The following TMTC2 variants were observed in gnomAD, a reference collection of about 807,000 sequenced individuals.
The protein encoded by TMTC2 is transmembrane O-mannosyltransferase targeting cadherins 2, also known as protein O-mannosyl-transferase TMTC2.
A neutral mutation model predicts 82.4 loss-of-function variants in TMTC2; 43 were observed. That is an observed-to-expected ratio of 0.52 (90% CI 0.41 to 0.67). The LOEUF (loss-of-function observed/expected upper bound fraction) is 0.67, where lower values mean the gene tolerates loss of function less well. TMTC2 is among the 30% of genes least tolerant of loss of function. TMTC2 has a pLI of 0.00. For missense variants in TMTC2, 919 were observed against 1,012.4 expected (o/e 0.91, Z 1.25); for synonymous variants, 408 against 381.9 (o/e 1.07, Z -0.80).
intron 1 of TMTC2, among the ~76,000 whole-genome samples, chr12:82,818,968 G>T (rs1408818119): frequency 6.6e-6 from 1 of 151,852 alleles, no homozygotes; most frequent in South Asian, 2.1e-4. Flanking sequence ...AAATTTTGGT[G>T]TGAAAAGATA....
At chr12:82,722,151 C>A (rs1304894043) in intron 1 of TMTC2, among the ~76,000 whole-genome samples, 2 of 152,104 alleles carry the variant, frequency 1.3e-5, no homozygotes, top group African/African-American at 2.4e-5. Flanking sequence ...CAGCTTTTGA[C>A]TTAAAAAAGA....
intron 4 of TMTC2, among the ~76,000 whole-genome samples, chr12:82,954,212 T>C (rs1036595396): frequency 2.6e-5 from 4 of 152,096 alleles, no homozygotes; most frequent in Non-Finnish European, 5.9e-5. Context: ...AACTCTTGAG[T>C]TTTCGTACAC....
chr12:82,867,054 C>A (rs1487630986), intron 2 of TMTC2, among the ~76,000 whole-genome samples: 1 of 152,192 alleles, frequency 6.6e-6, no homozygotes, highest in Non-Finnish European at 1.5e-5. Context: ...GGAAGAATAG[C>A]ATCTTCGAAG....
At chr12:82,988,419 G>C in intron 8 of TMTC2, among the ~76,000 whole-genome samples, 1 of 152,166 alleles carries the variant, frequency 6.6e-6, no homozygotes, top group East Asian at 1.9e-4. Context: ...GTAAATTGCA[G>C]CCAATGAATG....
chr12:82,803,749 G>A (rs1009208862), intron 1 of TMTC2, among the ~76,000 whole-genome samples: 2 of 152,052 alleles, frequency 1.3e-5, no homozygotes, highest in Admixed American at 6.6e-5. Flanking sequence ...AAAGGATCAC[G>A]GTAAAAGGGA....
chr12:83,014,680 TG>T, intron 8 of TMTC2, among the ~76,000 whole-genome samples: 1 of 152,316 alleles, frequency 6.6e-6, no homozygotes, highest in East Asian at 1.9e-4. Flanking sequence ...ATCTATGGTT[TG>T]CCTCTGAGTA....
intron 8 of TMTC2, among the ~76,000 whole-genome samples, chr12:82,990,944 A>G (rs1796158): frequency 0.013 from 1,934 of 152,272 alleles, 39 homozygotes; most frequent in African/African-American, 0.044. Flanking sequence ...TGAGGGTGGC[A>G]TGATTATAGA....
rs1872464083 is a variant in TMTC2, at chr12:82,689,054, C to T, written c.83+1385C>T. Among the ~76,000 whole-genome samples the T allele has an allele frequency of 1.3e-5, 2 of 152,220 alleles. 1 individual carries two copies. Among genetic ancestry groups the T allele is most frequent in the Admixed American group, 1.3e-4 (2 of 15,280 alleles). ...CATACATTTTTTCTTAACTTTTACG[C>T]AGCATACTGATTTTAGCAACTACAC... On this transcript the variant is annotated intron_variant, in intron 1 of 11. Coordinates refer to ENST00000321196, the MANE Select transcript of TMTC2 (RefSeq NM_152588.3).
At chr12:82,861,170 T>C (rs1329719870) in intron 2 of TMTC2, among the ~76,000 whole-genome samples, 1 of 152,208 alleles carries the variant, frequency 6.6e-6, no homozygotes, top group African/African-American at 2.4e-5. Context: ...GTTACTCAAA[T>C]TAGAGAACAA....
chr12:83,064,060 T>C (rs1882835438), intron 11 of TMTC2, among the ~76,000 whole-genome samples: 2 of 151,962 alleles, frequency 1.3e-5, no homozygotes, highest in Non-Finnish European at 1.5e-5. Context: ...ATTAATAGAA[T>C]GCTGTGAATA....
chr12:82,935,895 A>C (rs921361071), intron 4 of TMTC2, among the ~76,000 whole-genome samples: 1 of 152,128 alleles, frequency 6.6e-6, no homozygotes, highest in Non-Finnish European at 1.5e-5. Context: ...AAATAAACTA[A>C]AAATTTAAGA....
At chr12:82,708,911 CAT>C (rs1227398018) in intron 1 of TMTC2, among the ~76,000 whole-genome samples, 1 of 152,162 alleles carries the variant, frequency 6.6e-6, no homozygotes, top group Non-Finnish European at 1.5e-5. Flanking sequence ...CCATTTTTCT[CAT>C]GTGGTCAGCC....
At chr12:83,082,507 C>T (rs1262596406) in intron 11 of TMTC2, among the ~76,000 whole-genome samples, 1 of 152,172 alleles carries the variant, frequency 6.6e-6, no homozygotes, top group African/African-American at 2.4e-5. Flanking sequence ...GTTATACTAT[C>T]CTTGACAATA....
At chr12:83,119,465 T>C (rs6539703) in intron 11 of TMTC2, among the ~76,000 whole-genome samples, 32,547 of 152,164 alleles carry the variant, frequency 0.21, 3,557 homozygotes, top group Middle Eastern at 0.33. Context: ...AAGGTTCCTT[T>C]TGGAGTTGAT....
In TMTC2 at chr12:82,895,955, C is replaced by T. The variant is rs1175437248; in HGVS notation, c.792C>T (p.Asp264=). The part of the protein sequence containing the change: ...SNSDNPAADS[D]SLLTRTLTFF... ...CGGACAACCCCGCTGCTGATTCGGA[C>T]AGCCTCCTCACCCGCACTCTCACCT... The change falls in exon 3 of 12, where the codon GAC becomes GAT. Residue 264 remains aspartate (D), a synonymous_variant. Coordinates refer to ENST00000321196, the MANE Select transcript of TMTC2 (RefSeq NM_152588.3). 6.2e-7 allele frequency: 1 copy of T among 1,613,928 alleles called. No homozygotes were observed. Among genetic ancestry groups the T allele is most frequent in the Non-Finnish European group, 8.5e-7 (1 of 1,180,014 alleles).
At chr12:82,783,288 C>T (rs1877998791) in intron 1 of TMTC2, among the ~76,000 whole-genome samples, 2 of 92,084 alleles carry the variant, frequency 2.2e-5, no homozygotes, top group Middle Eastern at 7.0e-3. Context: ...AGGTATATGC[C>T]TCTGTGTGTG....
intron 1 of TMTC2, 125 bp from the exon 2 acceptor site, chr12:82,856,885 C>T (rs1183272369): frequency 1.1e-6 from 1 of 925,734 alleles, no homozygotes. Flanking sequence ...TTATATGTGC[C>T]TGGAATCCCA....
chr12:82,977,864 A>G (rs1878749563), intron 7 of TMTC2, among the ~76,000 whole-genome samples: 1 of 151,806 alleles, frequency 6.6e-6, no homozygotes, highest in South Asian at 2.1e-4. Flanking sequence ...CAAACTGAAT[A>G]CTGATTTCGA....
At chr12:82,814,365 A>G (rs1478390255) in intron 1 of TMTC2, among the ~76,000 whole-genome samples, 4 of 152,180 alleles carry the variant, frequency 2.6e-5, no homozygotes, top group African/African-American at 9.6e-5. Flanking sequence ...ACAAAGCTCC[A>G]TGGGAGAATA....
Sources: allele counts gnomAD v4.1 joint callset (sites outside exome capture counted in the v4.1 genomes callset), GRCh38; gene constraint gnomAD v4.1.1; transcripts MANE v1.5; gene names NCBI Gene and HGNC (gene_info 2026-07-23, HGNC 2026-07-21).